The following GCNT1 variants were observed in gnomAD, a reference collection of about 807,000 sequenced individuals.
GCNT1 encodes the protein beta-1,3-galactosyl-O-glycosyl-glycoprotein beta-1,6-N-acetylglucosaminyltransferase.
Under a neutral mutation model 26.2 loss-of-function variants are expected in GCNT1, and 16 were observed. The observed-to-expected ratio is 0.61, with a 90% CI of 0.41 to 0.93. GCNT1 has a LOEUF of 0.93. Ranked by LOEUF, GCNT1 falls within the 40% of genes least tolerant of loss-of-function variation. The pLI is 0.00. For synonymous variants in GCNT1, 183 were observed against 190.8 expected (o/e 0.96, Z 0.34); for missense variants, 477 against 526.7 (o/e 0.91, Z 0.92).
intron 2 of GCNT1, among the ~76,000 whole-genome samples, chr9:76,478,479 T>C (rs482441): frequency 0.94 from 143,480 of 152,274 alleles, 67,627 homozygotes; most frequent in East Asian, 1. Flanking sequence ...TCCAGATGCA[T>C]CATCTTTAAG....
chr9:76,440,927 G>A (rs1444504311), upstream of GCNT1, among the ~76,000 whole-genome samples: 3 of 151,716 alleles, frequency 2.0e-5, no homozygotes, highest in Admixed American at 6.6e-5. Context: ...AGCTGGGCAT[G>A]GTGGTGCATG....
intron 2 of GCNT1, among the ~76,000 whole-genome samples, chr9:76,492,873 C>G (rs940806114): frequency 6.6e-6 from 1 of 151,948 alleles, no homozygotes; most frequent in South Asian, 2.1e-4. Context: ...AGGCCTGTTC[C>G]TCTTGGTCCC....
rs1257746443 is a variant in GCNT1, at chr9:76,502,226, T to G, written c.-143-13T>G. 2 of 373,676 alleles carry G rather than the reference T, an allele frequency of 5.4e-6. No individual in the cohort carries two copies. The highest frequency in any genetic ancestry group is 4.8e-6 in the Non-Finnish European group (1 of 209,970). 23.1% of individuals were successfully genotyped at this position (373,676 alleles called of 1,614,324 possible). A position where few individuals can be genotyped will look rare whatever the true frequency, so the allele number is the denominator to read the frequency against. ...ATATTTATTTATATTTATAATTGCT[T>G]CTTTTATTTCAGTGCTGCTCTTCAT... On this transcript the variant is annotated splice_polypyrimidine_tract_variant and intron_variant, in intron 3 of 3. Transcript: ENST00000376730.
chr9:76,460,274 G>A (rs1056233509), intron 2 of GCNT1, 97 bp downstream of exon 2: 12 of 152,258 alleles, frequency 7.9e-5, no homozygotes, highest in South Asian at 6.2e-4. Flanking sequence ...AAGAGAGTCG[G>A]TTTTTTACAC....
At position 76,435,966 on chromosome 9, in the gene GCNT1, T is replaced by TC. The variant is rs1823401595; in HGVS notation, n.38+16079_38+16080insC. On this transcript the variant is annotated intron_variant and non_coding_transcript_variant, in intron 1 of 3. Transcript: ENST00000488136. Reference sequence around the variant, plus strand: ...GTTCCCATATCTTTTTTTTTTTTTTTTTTTTTTGAGACAGAATCTCGCTCT... The same window carrying TC: ...GTTCCCATATCTTTTTTTTTTTTTTTCTTTTTTTGAGACAGAATCTCGCTCT... Among the ~76,000 whole-genome samples, 12 of 148,990 alleles carry TC rather than the reference T, an allele frequency of 8.1e-5. 1 individual carries two copies. The highest frequency in any genetic ancestry group is 8.0e-4 in the Admixed American group (12 of 14,956).
At chr9:76,485,341 T>G (rs1360217654) in intron 2 of GCNT1, among the ~76,000 whole-genome samples, 2 of 151,858 alleles carry the variant, frequency 1.3e-5, no homozygotes, top group Non-Finnish European at 2.9e-5. Context: ...CCCGGCTAAT[T>G]TTTTGTGTTT....
rs183022922 is a variant in GCNT1, at chr9:76,485,078, C to T, written c.-289-15838C>T. Reference sequence around the variant, plus strand: ...CTGGGATTACTGGCGTGAGCCGCCGCGCCCGACCATGATTTCTTTTATTGT... The same window carrying T: ...CTGGGATTACTGGCGTGAGCCGCCGTGCCCGACCATGATTTCTTTTATTGT... On this transcript the variant is annotated intron_variant, in intron 2 of 3. Transcript: ENST00000376730. 1.3e-4 allele frequency among the ~76,000 whole-genome samples: 20 copies of T among 152,052 alleles called. No individual in the cohort carries two copies. The East Asian group carries it at 3.3e-3, about 25-fold the overall frequency.
chr9:76,479,196 T>C (rs894412136), intron 2 of GCNT1, among the ~76,000 whole-genome samples: 2 of 152,254 alleles, frequency 1.3e-5, no homozygotes, highest in Non-Finnish European at 1.5e-5. Flanking sequence ...CTCATCCTTT[T>C]TTATGGCTGC....
intron 1 of GCNT1, among the ~76,000 whole-genome samples, chr9:76,453,154 A>T (rs543795843): frequency 6.6e-6 from 1 of 152,280 alleles, no homozygotes; most frequent in South Asian, 2.1e-4. Context: ...CTGTTCAGCC[A>T]TCTCCTGTTT....
At chr9:76,459,954 T>C (rs1823835861) in intron 1 of GCNT1, 106 bp from the exon 2 acceptor site, 1 of 152,236 alleles carries the variant, frequency 6.6e-6, no homozygotes, top group Admixed American at 6.5e-5. Context: ...CCTAGGTTTC[T>C]CTTTCCTCTT....
upstream of GCNT1, among the ~76,000 whole-genome samples, chr9:76,438,550 A>T (rs543293154): frequency 4.6e-4 from 70 of 152,298 alleles, no homozygotes; most frequent in African/African-American, 1.7e-3. Context: ...CATGACTTGA[A>T]TTAGTTTTTC....
At chr9:76,462,002 G>A (rs909421086) in intron 2 of GCNT1, among the ~76,000 whole-genome samples, 2 of 152,302 alleles carry the variant, frequency 1.3e-5, no homozygotes, top group Non-Finnish European at 2.9e-5. Flanking sequence ...CCGATGAATG[G>A]AAAATTCTGA....
At chr9:76,426,497 G>A (rs1270279620) in intron 1 of GCNT1, among the ~76,000 whole-genome samples, 1 of 152,146 alleles carries the variant, frequency 6.6e-6, no homozygotes, top group Non-Finnish European at 1.5e-5. Flanking sequence ...GAGCCCAAGA[G>A]GTCAAGGCTG....
intron 2 of GCNT1, among the ~76,000 whole-genome samples, chr9:76,492,542 G>T (rs1247407995): frequency 6.6e-6 from 1 of 150,862 alleles, no homozygotes; most frequent in Non-Finnish European, 1.5e-5. Context: ...TGTACCCGGG[G>T]CTCAGTGAGG....
intron 2 of GCNT1, among the ~76,000 whole-genome samples, chr9:76,464,936 G>A (rs964486803): frequency 3.9e-5 from 6 of 152,126 alleles, no homozygotes; most frequent in African/African-American, 1.4e-4. Flanking sequence ...AGGCAGTAGT[G>A]TTGCTCACAT....
intron 1 of GCNT1, among the ~76,000 whole-genome samples, chr9:76,433,537 C>T (rs1288445592): frequency 6.6e-6 from 1 of 152,160 alleles, no homozygotes; most frequent in Non-Finnish European, 1.5e-5. Context: ...TGCTCCTGTG[C>T]TGGCCTTTGG....
intron 1 of GCNT1, among the ~76,000 whole-genome samples, chr9:76,435,245 C>A (rs1321196534): frequency 1.3e-5 from 2 of 152,114 alleles, no homozygotes; most frequent in African/African-American, 4.8e-5. Context: ...GGGTGGGCAT[C>A]ATGGACCTAC....
upstream of GCNT1, among the ~76,000 whole-genome samples, chr9:76,419,112 C>T (rs1389836793): frequency 6.6e-6 from 1 of 152,120 alleles, no homozygotes; most frequent in Non-Finnish European, 1.5e-5. Context: ...CCAACATTGC[C>T]TCCTCTATGG....
At chr9:76,448,461 A>G (rs1823612547) in intron 1 of GCNT1, among the ~76,000 whole-genome samples, 1 of 152,150 alleles carries the variant, frequency 6.6e-6, no homozygotes, top group Non-Finnish European at 1.5e-5. Flanking sequence ...CAAAACAACA[A>G]CAGCAGCAAA....
Sources: allele counts gnomAD v4.1 joint callset (sites outside exome capture counted in the v4.1 genomes callset), GRCh38; gene constraint gnomAD v4.1.1; transcripts MANE v1.5; gene names NCBI Gene and HGNC (gene_info 2026-07-23, HGNC 2026-07-21).